The following KDM4C variants were observed in gnomAD, a reference collection of about 807,000 sequenced individuals.
The protein encoded by KDM4C is lysine-specific demethylase 4C.
In KDM4C, 81 loss-of-function variants were observed where a neutral mutation model predicts 129.3. The ratio of observed to expected loss-of-function variants is 0.63; its 90% CI spans 0.52 to 0.75. The LOEUF is 0.75. Ranked by LOEUF, KDM4C falls within the 30% of genes least tolerant of loss-of-function variation. The probability of loss-of-function intolerance (pLI) is 0.00; values close to 1 mark genes in which losing one functional copy is unlikely to be tolerated. For missense variants in KDM4C, 1,457 were observed against 1,304.0 expected (o/e 1.12, Z -1.81); for synonymous variants, 573 against 456.1 (o/e 1.26, Z -3.26).
intron 1 of KDM4C, among the ~76,000 whole-genome samples, chr9:6,775,043 C>T (rs1350812886): frequency 6.6e-6 from 1 of 152,148 alleles, no homozygotes; most frequent in East Asian, 1.9e-4. Context: ...TGGAGTCTCT[C>T]TCTGTTGCCC....
intron 6 of KDM4C, among the ~76,000 whole-genome samples, chr9:6,886,539 T>G (rs1423894884): frequency 3.3e-5 from 5 of 149,402 alleles, no homozygotes; most frequent in Non-Finnish European, 7.4e-5. Flanking sequence ...TCATCCAGGC[T>G]GGAGTACAGT....
intron 8 of KDM4C, among the ~76,000 whole-genome samples, chr9:6,932,041 C>T (rs1226946576): frequency 6.6e-6 from 1 of 152,148 alleles, no homozygotes; most frequent in Non-Finnish European, 1.5e-5. Context: ...CTCATTTGGG[C>T]CGTGACTATT....
chr9:6,968,264 T>C (rs540851327), intron 8 of KDM4C, among the ~76,000 whole-genome samples: 1 of 152,260 alleles, frequency 6.6e-6, no homozygotes, highest in Admixed American at 6.5e-5. Context: ...TCACTTGAGA[T>C]CAGGATTTTG....
intron 15 of KDM4C, among the ~76,000 whole-genome samples, chr9:7,016,897 T>C (rs908539324): frequency 6.6e-6 from 1 of 152,150 alleles, no homozygotes; most frequent in Admixed American, 6.5e-5. Flanking sequence ...AGGTGGGGGA[T>C]CCTCAGTGAC....
chr9:6,905,539 A>G (rs191519825), intron 8 of KDM4C, among the ~76,000 whole-genome samples: 5 of 152,250 alleles, frequency 3.3e-5, no homozygotes, highest in African/African-American at 1.2e-4. Context: ...GGTGCTGTAT[A>G]CACTTATGAC....
chr9:6,799,428 G>A lies in KDM4C; in HGVS notation c.145-6171G>A, dbSNP rs190031461. ...AAAAATACGAAAACCAGTCAGGAGT[G>A]GCGGCGCGCGTCTGCAATCGCAGGC... On this transcript the variant is annotated intron_variant, in intron 2 of 21. Transcript: ENST00000381309. 3.7e-3 allele frequency among the ~76,000 whole-genome samples: 557 copies of A among 152,268 alleles called. 3 individuals carry two copies. The highest frequency in any genetic ancestry group is 0.013 in the African/African-American group (536 of 41,558).
chr9:7,145,634 G>T (rs576477275), intron 19 of KDM4C, among the ~76,000 whole-genome samples: 3 of 152,346 alleles, frequency 2.0e-5, no homozygotes, highest in African/African-American at 7.2e-5. Flanking sequence ...TGCTGCAATT[G>T]TTAGGAAGCA....
chr9:6,920,231 A>G (rs544651008), intron 8 of KDM4C, among the ~76,000 whole-genome samples: 4 of 152,304 alleles, frequency 2.6e-5, no homozygotes, highest in South Asian at 2.1e-4. Flanking sequence ...GAGTCCACTC[A>G]GGATCAGTTG....
In KDM4C at chr9:6,986,610, C is replaced by G. The variant is rs759103958; in HGVS notation, c.1621C>G (p.Pro541Ala). 3.1e-6 allele frequency: 5 copies of G among 1,613,950 alleles called. No individual in the cohort carries two copies. The highest frequency in any genetic ancestry group is 4.2e-6 in the Non-Finnish European group (5 of 1,179,904). Residue 541 changes from proline to alanine, a missense_variant, in exon 11 of 22, where the codon CCT becomes GCT. Physicochemically the swap from Pro to Ala is conservative, Grantham distance 27 (BLOSUM62 -1). Transcript: ENST00000381309. Reference sequence around the variant, plus strand: ...GGAGAGCCATGGGAATGGCCTTGAACCTGGGGAAATCCCAGCGGTCCCCAG... The same window carrying G: ...GGAGAGCCATGGGAATGGCCTTGAAGCTGGGGAAATCCCAGCGGTCCCCAG... ...DVESHGNGLE[P>A]GEIPAVPSGE... is the part of the protein sequence containing the mutation.
chr9:6,796,877 C>G (rs1158724253), intron 2 of KDM4C, among the ~76,000 whole-genome samples: 1 of 152,164 alleles, frequency 6.6e-6, no homozygotes, highest in Non-Finnish European at 1.5e-5. Flanking sequence ...ATGTATAAAA[C>G]TGTACCGAAT....
chr9:7,141,793 T>A lies in KDM4C; in HGVS notation c.2781+13557T>A, dbSNP rs115366814. The stretch of plus-strand genomic sequence containing the variant: ...TTGCAAAGCATAGTTTTTGTTGTTA[T>A]TAGGTTTTTTTTTTTTCTTTTTCTT... On this transcript the variant is annotated intron_variant, in intron 19 of 21. Coordinates refer to ENST00000381309, the MANE Select transcript of KDM4C (RefSeq NM_015061.6). Among the ~76,000 whole-genome samples the A allele has an allele frequency of 7.2e-3, 1,090 of 152,074 alleles. 15 individuals carry two copies. Among genetic ancestry groups the A allele is most frequent in the African/African-American group, 0.025 (1,040 of 41,420 alleles).
At chr9:6,874,932 A>T (rs1262587415) in intron 5 of KDM4C, among the ~76,000 whole-genome samples, 6 of 117,696 alleles carry the variant, frequency 5.1e-5, no homozygotes, top group African/African-American at 1.9e-4. Context: ...CTCTACAGTT[A>T]AAAAAAAAAA....
chr9:7,076,777 C>T (rs1047609142), intron 17 of KDM4C: 10 of 1,075,876 alleles, frequency 9.3e-6, no homozygotes, highest in Non-Finnish European at 1.1e-5. Context: ...CCTAGAGTTT[C>T]CCTTTCCCTT....
chr9:7,103,282 C>T (rs556444498), intron 17 of KDM4C, among the ~76,000 whole-genome samples: 2 of 152,308 alleles, frequency 1.3e-5, no homozygotes, highest in East Asian at 1.9e-4. Flanking sequence ...CCTCCAAACC[C>T]ATATTCTACT....
At chr9:7,080,172 G>A (rs551233106) in intron 17 of KDM4C, among the ~76,000 whole-genome samples, 95 of 152,258 alleles carry the variant, frequency 6.2e-4, no homozygotes, top group African/African-American at 2.0e-3. Flanking sequence ...TCCCTTACTG[G>A]TAGGAGCACA....
chr9:7,056,121 C>G (rs1830830654), intron 17 of KDM4C, among the ~76,000 whole-genome samples: 1 of 152,066 alleles, frequency 6.6e-6, no homozygotes, highest in Non-Finnish European at 1.5e-5. Context: ...ATTGCTTAAA[C>G]AGTAATCAGT....
chr9:6,961,396 T>A (rs1830025517), intron 8 of KDM4C, among the ~76,000 whole-genome samples: 1 of 152,202 alleles, frequency 6.6e-6, no homozygotes, highest in Non-Finnish European at 1.5e-5. Flanking sequence ...TTTATGTTAC[T>A]GCCTTACTAG....
chr9:7,136,633 G>C (rs1403306099), intron 19 of KDM4C, among the ~76,000 whole-genome samples: 11 of 152,218 alleles, frequency 7.2e-5, no homozygotes, highest in Non-Finnish European at 1.5e-5. Flanking sequence ...CTTCTACGAT[G>C]AAAAGCCTAT....
At chr9:7,046,939 T>C in intron 16 of KDM4C, 22 bp downstream of exon 16, 1 of 1,472,714 alleles carries the variant, frequency 6.8e-7, no homozygotes. Context: ...ATTAATTGTG[T>C]TGAATTTCAT....
Sources: allele counts gnomAD v4.1 joint callset (sites outside exome capture counted in the v4.1 genomes callset), GRCh38; gene constraint gnomAD v4.1.1; transcripts MANE v1.5; gene names NCBI Gene and HGNC (gene_info 2026-07-23, HGNC 2026-07-21).